Variants in LINS1 observed in about 807,000 individuals in gnomAD.
LINS1 encodes the protein protein Lines homolog 1.
LINS1 carries 27 observed loss-of-function variants against 41.6 expected under a neutral mutation model. The observed-to-expected ratio is 0.65, with a 90% CI of 0.48 to 0.89. The LOEUF (loss-of-function observed/expected upper bound fraction) is 0.89. Among genes scored for constraint, LINS1 ranks in the 40% least tolerant of loss-of-function variants. The pLI, the probability that LINS1 is intolerant of heterozygous loss-of-function variation, is 0.00. For synonymous variants in LINS1, 336 were observed against 312.9 expected, an observed-to-expected ratio of 1.07 and a Z score of -0.78; for missense variants, 955 against 884.1, an observed-to-expected ratio of 1.08 and a Z score of -1.02.
rs763334319 is a variant in LINS1, at chr15:100,580,606, G to C, written c.237C>G (p.Asn79Lys). 2.5e-6 allele frequency: 4 copies of C among 1,614,028 alleles called. No individual in the cohort carries two copies. Among genetic ancestry groups the C allele is most frequent in the Non-Finnish European group, 3.4e-6 (4 of 1,179,964 alleles). ...IAVAPVCLKT[N>K]SQMSGSREVM... ...CTTCTCTGGAACCGCTCATCTGAGA[G>C]TTGGTCTTCAAACACACAGGTGCTA... Residue 79 changes from asparagine (N) to lysine (K), a missense_variant, in exon 2 of 7, where the codon AAC (asparagine) becomes AAG (lysine). Asn to Lys is a moderately conservative substitution (Grantham distance 94, BLOSUM62 0). Coordinates refer to ENST00000314742, the MANE Select transcript of LINS1 (RefSeq NM_001040616.3).
intron 6 of LINS1, among the ~76,000 whole-genome samples, chr15:100,571,648 A>T (rs1466081764): frequency 6.6e-6 from 1 of 152,238 alleles, no homozygotes; most frequent in Non-Finnish European, 1.5e-5. Flanking sequence ...CTGGAGACCA[A>T]ATCAGAAGCC....
At position 100,567,756 on chromosome 15, in the gene LINS1, C is replaced by T. The variant is rs1406210050; in HGVS notation, c.*1482G>A. 1 of 152,130 alleles carries T rather than the reference C, an allele frequency of 6.6e-6. No individual in the cohort carries two copies. Among genetic ancestry groups the T allele is most frequent in the Non-Finnish European group, 1.5e-5 (1 of 68,030 alleles). The allele number at this position is 152,130 out of a possible 1,614,324, so 9.4% of individuals were successfully genotyped here. ...AAACTGCCTTAACGCATAGCCTCAC[C>T]GACAGCATGTTAAAACGCAAACCTT... On this transcript the variant is annotated 3_prime_UTR_variant, in exon 7 of 7. Transcript: ENST00000314742.
At position 100,569,552 on chromosome 15, in the gene LINS1, G is replaced by C. The variant is rs1178251339; in HGVS notation, c.1960C>G (p.Gln654Glu). 1 of 1,614,168 alleles carries C rather than the reference G, an allele frequency of 6.2e-7. No individual in the cohort carries two copies. The highest frequency in any genetic ancestry group is 1.6e-4 in the Middle Eastern group (1 of 6,062). The change falls in exon 7 of 7, where the codon CAG (glutamine) becomes GAG (glutamate). Residue 654 changes from glutamine to glutamate, a missense_variant. Transcript: ENST00000314742. ...LANSKQTSLH[Q>E]QATKEIQDAA... ...TCCTGAATCTCCTTAGTTGCTTGCT[G>C]GTGTAAAGATGTCTGTTTACTGTTA...
intron 1 of LINS1, among the ~76,000 whole-genome samples, chr15:100,592,574 GAA>G (rs61424516): frequency 0.12 from 17,621 of 152,094 alleles, 1,199 homozygotes; most frequent in East Asian, 0.27. Context: ...TGGGGTGTGT[GAA>G]AAGTGTTTAT....
chr15:100,574,875 T>C, intron 4 of LINS1, 112 bp downstream of exon 4: 1 of 1,139,234 alleles, frequency 8.8e-7, no homozygotes, highest in Non-Finnish European at 1.3e-6. Flanking sequence ...GACTGACTTT[T>C]TCATTACTTT....
In LINS1 at chr15:100,600,809, G is replaced by T. The variant is rs577103950; in HGVS notation, c.-104+1312C>A. Among the ~76,000 whole-genome samples, 3 of 152,222 alleles carry T rather than the reference G, an allele frequency of 2.0e-5. No individual in the cohort carries two copies. The South Asian group carries it at 6.2e-4, about 32-fold the overall frequency. On this transcript the variant is annotated intron_variant, in intron 1 of 6. Coordinates refer to ENST00000314742, the MANE Select transcript of LINS1 (RefSeq NM_001040616.3). ...ACTTCTACTCTGGACAACTGCAACC[G>T]ATCCCTTCCAAAGTGGTTGTATCCA...
At chr15:100,592,561 A>C (rs974641949) in intron 1 of LINS1, among the ~76,000 whole-genome samples, 2 of 149,698 alleles carry the variant, frequency 1.3e-5, no homozygotes, top group African/African-American at 4.9e-5. Flanking sequence ...CATTAACATA[A>C]CCTGGGGTGT....
chr15:100,577,211 C>G (rs1418655907), intron 3 of LINS1, among the ~76,000 whole-genome samples: 1 of 152,108 alleles, frequency 6.6e-6, no homozygotes, highest in Non-Finnish European at 1.5e-5. Context: ...AAAGGGTATT[C>G]AACTAGGAAA....
chr15:100,593,846 G>A (rs554230693), intron 1 of LINS1, among the ~76,000 whole-genome samples: 4 of 152,242 alleles, frequency 2.6e-5, no homozygotes, highest in Non-Finnish European at 4.4e-5. Flanking sequence ...CACATGCTAC[G>A]CGAGATCTAA....
chr15:100,600,569 A>AAAAAAAAAAAAAC, intron 1 of LINS1, among the ~76,000 whole-genome samples: 1 of 150,848 alleles, frequency 6.6e-6, no homozygotes, highest in Admixed American at 6.6e-5. Flanking sequence ...AAAAAAAAAA[A>AAAAAAAAAAAAAC]AACAGGGAGA....
intron 1 of LINS1, among the ~76,000 whole-genome samples, chr15:100,582,861 C>G (rs944717316): frequency 1.4e-5 from 2 of 145,472 alleles, no homozygotes; most frequent in Non-Finnish European, 3.0e-5. Flanking sequence ...CTTGGTCTTA[C>G]ACTGGGTCTT....
chr15:100,576,870 C>T (rs570633776), intron 3 of LINS1, among the ~76,000 whole-genome samples: 23 of 152,320 alleles, frequency 1.5e-4, no homozygotes, highest in African/African-American at 5.5e-4. Context: ...GCTGGTTCAA[C>T]ATATGCAAAT....
At chr15:100,600,536 A>G (rs1451664057) in intron 1 of LINS1, among the ~76,000 whole-genome samples, 2 of 104,648 alleles carry the variant, frequency 1.9e-5, no homozygotes, top group Non-Finnish European at 3.8e-5. Context: ...TTTACATTGG[A>G]GTCCTGCTGT....
At chr15:100,576,120 G>A (rs1191165463) in intron 3 of LINS1, among the ~76,000 whole-genome samples, 1 of 151,950 alleles carries the variant, frequency 6.6e-6, no homozygotes, top group Non-Finnish European at 1.5e-5. Context: ...AAGAACTAGA[G>A]AAGCAAGAGC....
intron 6 of LINS1, chr15:100,570,360 C>A (rs3764198): frequency 1.0e-4 from 41 of 410,092 alleles, no homozygotes; most frequent in African/African-American, 7.2e-4. Flanking sequence ...ATAAAAGTTA[C>A]CTGTTGTTCT....
In LINS1 at chr15:100,574,005, G is replaced by T. The variant is rs961700115; in HGVS notation, c.868C>A (p.Pro290Thr). The part of the protein sequence containing the change: ...PSCMLEVITW[P>T]IQAFVKRKVI... ...TTCCTTTTAACAAAAGCCTGAATAG[G>T]CCAGGTAATAACTTCTAGCATGCAA... The change falls in exon 5 of 7, where the codon CCT becomes ACT. Residue 290 changes from proline to threonine, a missense_variant. Transcript: ENST00000314742. 1 of 1,613,966 alleles carries T rather than the reference G, an allele frequency of 6.2e-7. No homozygotes were observed. Among genetic ancestry groups the T allele is most frequent in the Non-Finnish European group, 8.5e-7 (1 of 1,179,996 alleles).
chr15:100,569,501 T>G lies in LINS1; in HGVS notation c.2011A>C (p.Lys671Gln). Residue 671 changes from lysine to glutamine, a missense_variant, in exon 7 of 7, where the codon AAA (lysine) becomes CAA (glutamine). Coordinates refer to ENST00000314742, the MANE Select transcript of LINS1 (RefSeq NM_001040616.3). The stretch of plus-strand genomic sequence containing the variant: ...GATGGAGGCTCAAGGCTAAATTCTT[T>G]TTTATCCCTGCTTGTCCCAGCTGCA... ...QDAAGTSRDK[K>Q]EFSLEPPSRP... 6.2e-7 allele frequency: 1 copy of G among 1,614,226 alleles called. No individual in the cohort carries two copies. The highest frequency in any genetic ancestry group is 1.1e-5 in the South Asian group (1 of 91,082).
At chr15:100,580,378 C>T (rs562905758) in intron 2 of LINS1, 26 bp from the exon 3 acceptor site, 2 of 1,603,748 alleles carry the variant, frequency 1.2e-6, no homozygotes, top group Non-Finnish European at 1.7e-6. Context: ...TATAATTAAC[C>T]ACTATTGCTG....
At chr15:100,580,097 C>T (rs182406964) in intron 3 of LINS1, among the ~76,000 whole-genome samples, 166 bp downstream of exon 3, 4 of 152,204 alleles carry the variant, frequency 2.6e-5, no homozygotes, top group South Asian at 2.1e-4. Flanking sequence ...CCACGGCTCT[C>T]GTCTTTAATC....
Sources: gnomAD v4.1 joint callset for allele counts (sites outside exome capture counted in the v4.1 genomes callset) on GRCh38, gnomAD v4.1.1 for gene constraint, MANE v1.5 for transcripts, NCBI Gene and HGNC (gene_info 2026-07-23, HGNC 2026-07-21) for gene names.